The following GRIN2A variants were observed in gnomAD, a reference collection of about 807,000 sequenced individuals.
GRIN2A encodes the protein glutamate ionotropic receptor NMDA type subunit 2A, also known as glutamate receptor ionotropic, NMDA 2A.
In GRIN2A, 22 loss-of-function variants were observed where a neutral mutation model predicts 113.4. The ratio of observed to expected loss-of-function variants is 0.19; its 90% CI spans 0.14 to 0.28. The LOEUF is 0.28. Among genes scored for constraint, GRIN2A ranks in the 10% least tolerant of loss-of-function variants. The probability of loss-of-function intolerance (pLI) is 1.00; values close to 1 mark genes in which losing one functional copy is unlikely to be tolerated. For missense variants in GRIN2A, 1,502 were observed against 1,887.0 expected, an observed-to-expected ratio of 0.80 and a Z score of 3.78; for synonymous variants, 827 against 738.4, an observed-to-expected ratio of 1.12 and a Z score of -1.94.
At chr16:10,092,952 C>A (rs1202624661) in intron 2 of GRIN2A, among the ~76,000 whole-genome samples, 1 of 151,784 alleles carries the variant, frequency 6.6e-6, no homozygotes, top group Non-Finnish European at 1.5e-5. Context: ...AATTCTCCTG[C>A]CTCAGCCTCC....
chr16:9,980,462 T>C (rs1390695917), intron 2 of GRIN2A, among the ~76,000 whole-genome samples: 1 of 152,112 alleles, frequency 6.6e-6, no homozygotes, highest in Non-Finnish European at 1.5e-5. Flanking sequence ...AGAAATACCA[T>C]TTGACCCAGC....
chr16:9,934,169 G>A (rs1172056787), intron 3 of GRIN2A, among the ~76,000 whole-genome samples: 1 of 152,052 alleles, frequency 6.6e-6, no homozygotes, highest in Non-Finnish European at 1.5e-5. Context: ...ATGAATATCG[G>A]GTTGAGTATT....
rs369821921 is a variant in GRIN2A at position 10,036,449 on chromosome 16, C to CTTTTTTT, written c.415-97905_415-97899dup. Among the ~76,000 whole-genome samples, 246 of 45,976 alleles carry CTTTTTTT rather than the reference C, an allele frequency of 5.4e-3. 2 individuals carry two copies. Among genetic ancestry groups the CTTTTTTT allele is most frequent in the Non-Finnish European group, 6.8e-3 (184 of 27,078 alleles). The allele number at this position is 45,976 out of a possible 152,430, so 30.2% of individuals were successfully genotyped here. A position where few individuals can be genotyped will look rare whatever the true frequency, so the allele number is the denominator to read the frequency against. ...ATATTAGTACTTACTTTTTTTTTTT[C>CTTTTTTT]TTTTTTTTTTTTTTTTTTTTTTTTT... On this transcript the variant is annotated intron_variant, in intron 2 of 12. Transcript: ENST00000330684.
chr16:9,937,741 GA>G (rs571625400), intron 3 of GRIN2A: 18 of 580,792 alleles, frequency 3.1e-5, no homozygotes, highest in Middle Eastern at 4.6e-4. Flanking sequence ...TTGTTGAGTA[GA>G]AAAAAAAGTT....
At chr16:10,064,154 G>C (rs2047602967) in intron 2 of GRIN2A, among the ~76,000 whole-genome samples, 1 of 152,128 alleles carries the variant, frequency 6.6e-6, no homozygotes, top group Admixed American at 6.6e-5. Context: ...GACTTTGTTG[G>C]TGAGTGTTTT....
At chr16:9,910,648 C>T (rs2044116545) in intron 3 of GRIN2A, among the ~76,000 whole-genome samples, 1 of 151,266 alleles carries the variant, frequency 6.6e-6, no homozygotes, top group South Asian at 2.1e-4. Context: ...AGTGATTCTC[C>T]TGCCTCAGCC....
chr16:10,109,233 C>T (rs908053286), intron 2 of GRIN2A, among the ~76,000 whole-genome samples: 1 of 151,844 alleles, frequency 6.6e-6, no homozygotes, highest in African/African-American at 2.4e-5. Flanking sequence ...AAATAGAAAC[C>T]TTCACCAACC....
At chr16:9,825,713 C>G (rs1245794187) in intron 9 of GRIN2A, among the ~76,000 whole-genome samples, 1 of 152,156 alleles carries the variant, frequency 6.6e-6, no homozygotes, top group Non-Finnish European at 1.5e-5. Context: ...GAGCAGCAAG[C>G]AGGTGTGTCC....
At chr16:9,852,068 A>G (rs1320804352) in intron 4 of GRIN2A, among the ~76,000 whole-genome samples, 2 of 152,218 alleles carry the variant, frequency 1.3e-5, no homozygotes, top group Non-Finnish European at 2.9e-5. Context: ...ACTCCTGTAC[A>G]GTCAGGAAAT....
chr16:10,144,004 A>G (rs1215406720), intron 2 of GRIN2A, among the ~76,000 whole-genome samples: 3 of 152,110 alleles, frequency 2.0e-5, no homozygotes, highest in African/African-American at 4.8e-5. Flanking sequence ...TGTCCCCAAC[A>G]TGGCTCTCTT....
At chr16:9,844,749 T>G (rs1486126922) in intron 5 of GRIN2A, among the ~76,000 whole-genome samples, 1 of 152,174 alleles carries the variant, frequency 6.6e-6, no homozygotes, top group Non-Finnish European at 1.5e-5. Flanking sequence ...TAAAAATAAA[T>G]TTCCTTTCTT....
At chr16:9,808,695 A>G (rs904862194) in intron 10 of GRIN2A, among the ~76,000 whole-genome samples, 2 of 152,170 alleles carry the variant, frequency 1.3e-5, no homozygotes, top group Non-Finnish European at 2.9e-5. Flanking sequence ...TTACCCCAAA[A>G]TCCACTCTCT....
At chr16:9,849,604 C>G (rs111812507) in intron 5 of GRIN2A, 152 bp downstream of exon 5, 10 of 712,204 alleles carry the variant, frequency 1.4e-5, no homozygotes, top group Middle Eastern at 2.9e-4. Context: ...TTATCTAAGT[C>G]TTTTTTAAAT....
intron 2 of GRIN2A, among the ~76,000 whole-genome samples, chr16:9,984,753 G>T (rs1263797951): frequency 6.6e-6 from 1 of 152,140 alleles, no homozygotes; most frequent in Non-Finnish European, 1.5e-5. Context: ...ATTTATAGTT[G>T]TGATTTTTAT....
intron 2 of GRIN2A, among the ~76,000 whole-genome samples, chr16:9,971,986 G>A (rs2045680246): frequency 2.0e-5 from 3 of 147,494 alleles, no homozygotes. Context: ...TCTAGTGGAA[G>A]AGCCAACCTC....
intron 5 of GRIN2A, among the ~76,000 whole-genome samples, chr16:9,842,010 C>T (rs139050684): frequency 0.01 from 1,540 of 152,204 alleles, 34 homozygotes; most frequent in African/African-American, 0.035. Context: ...CCAGCACTTT[C>T]GGAGGCTGTG....
chr16:9,765,953 G>C (rs140079621), intron 12 of GRIN2A, among the ~76,000 whole-genome samples: 3 of 152,120 alleles, frequency 2.0e-5, no homozygotes, highest in Admixed American at 6.5e-5. Context: ...GAAAACAACT[G>C]TTTACGTTCA....
At chr16:10,015,272 G>GAAAAAAAAAAAAAAAAAAAAAAA (rs1189929832) in intron 2 of GRIN2A, among the ~76,000 whole-genome samples, 1 of 76,058 alleles carries the variant, frequency 1.3e-5, no homozygotes, top group Non-Finnish European at 2.4e-5. Context: ...AAAAAAAAAA[G>GAAAAAAAAAAAAAAAAAAAAAAA]AAAAAAAAAA....
rs569463295 is a variant in GRIN2A at position 9,761,716 on chromosome 16, T to TA, written c.*1432dup. ...AGTATTCCCCTCTCTGTCTCTAACT[T>TA]AAAAAAAAAATGGATATCATTTCAT... On this transcript the variant is annotated 3_prime_UTR_variant, in exon 13 of 13. Coordinates refer to ENST00000330684, the MANE Select transcript of GRIN2A (RefSeq NM_001134407.3). 342 of 211,522 alleles carry TA rather than the reference T, an allele frequency of 1.6e-3. No individual in the cohort carries two copies. The highest frequency in any genetic ancestry group is 2.1e-3 in the Non-Finnish European group (222 of 105,462). The allele number at this position is 211,522 out of a possible 1,614,324, so 13.1% of individuals were successfully genotyped here. A position where few individuals can be genotyped will look rare whatever the true frequency, so the allele number is the denominator to read the frequency against.
Sources: gnomAD v4.1 joint callset for allele counts (sites outside exome capture counted in the v4.1 genomes callset) on GRCh38, gnomAD v4.1.1 for gene constraint, MANE v1.5 for transcripts, NCBI Gene and HGNC (gene_info 2026-07-23, HGNC 2026-07-21) for gene names.